Variants in GALNT17 observed in about 807,000 individuals in gnomAD.
GALNT17 encodes UDP-GalNAc:polypeptide N-acetylgalactosaminyltransferase-like 3.
Under a neutral mutation model 63.7 loss-of-function variants are expected in GALNT17, and 29 were observed. That is an observed-to-expected ratio of 0.46 (90% CI 0.34 to 0.62). The LOEUF is 0.62. Among genes scored for constraint, GALNT17 ranks in the 20% least tolerant of loss-of-function variants. The pLI is 0.01. For synonymous variants in GALNT17, 305 were observed against 318.3 expected, an observed-to-expected ratio of 0.96 and a Z score of 0.45; for missense variants, 603 against 799.6, an observed-to-expected ratio of 0.75 and a Z score of 2.97.
chr7:71,649,208 G>T (rs948259424), intron 6 of GALNT17, among the ~76,000 whole-genome samples: 12 of 152,180 alleles, frequency 7.9e-5, no homozygotes, highest in Admixed American at 6.5e-4. Flanking sequence ...TCCTGGCCCA[G>T]ATCTCATGTT....
intron 5 of GALNT17, among the ~76,000 whole-genome samples, chr7:71,501,715 A>G (rs377280016): frequency 2.2e-4 from 33 of 151,856 alleles, no homozygotes; most frequent in East Asian, 1.9e-3. Flanking sequence ...CCTGCCCTCC[A>G]CTCTGGCCAT....
intron 5 of GALNT17, among the ~76,000 whole-genome samples, chr7:71,565,402 G>C (rs1011915544): frequency 6.6e-6 from 1 of 151,978 alleles, no homozygotes; most frequent in African/African-American, 2.4e-5. Flanking sequence ...CCCTCTGTCT[G>C]CTCCCCTCTT....
At chr7:71,630,386 C>T (rs1790438118) in intron 6 of GALNT17, among the ~76,000 whole-genome samples, 1 of 152,172 alleles carries the variant, frequency 6.6e-6, no homozygotes, top group South Asian at 2.1e-4. Flanking sequence ...CTCAGCATTG[C>T]CCTAACACAC....
intron 1 of GALNT17, among the ~76,000 whole-genome samples, chr7:71,192,022 C>T (rs965479475): frequency 1.3e-5 from 2 of 152,304 alleles, no homozygotes; most frequent in African/African-American, 4.8e-5. Context: ...GTGTATCCTT[C>T]AGTCTGTGGC....
intron 1 of GALNT17, among the ~76,000 whole-genome samples, chr7:71,276,063 C>T (rs920622356): frequency 1.9e-4 from 29 of 152,192 alleles, no homozygotes; most frequent in African/African-American, 7.0e-4. Flanking sequence ...TGTCCCTGGT[C>T]TTCCTTGTCC....
At chr7:71,492,264 C>T (rs1207693421) in intron 5 of GALNT17, among the ~76,000 whole-genome samples, 1 of 152,084 alleles carries the variant, frequency 6.6e-6, no homozygotes, top group Non-Finnish European at 1.5e-5. Flanking sequence ...GGAGACAGAG[C>T]AAGACTCCGT....
At chr7:71,364,858 TTTA>T (rs1325401440) in intron 2 of GALNT17, among the ~76,000 whole-genome samples, 1 of 152,216 alleles carries the variant, frequency 6.6e-6, no homozygotes, top group East Asian at 1.9e-4. Context: ...ATTCCGCTTC[TTTA>T]ATCTACTTCC....
intron 5 of GALNT17, among the ~76,000 whole-genome samples, chr7:71,498,073 G>A (rs1000493530): frequency 1.3e-5 from 2 of 152,198 alleles, no homozygotes; most frequent in Admixed American, 1.3e-4. Flanking sequence ...GTCCGCAGTG[G>A]GGTAGCAGAG....
chr7:71,288,495 A>G (rs1377116390), intron 1 of GALNT17, among the ~76,000 whole-genome samples: 3 of 152,158 alleles, frequency 2.0e-5, no homozygotes, highest in Non-Finnish European at 4.4e-5. Flanking sequence ...TTTCCTGACT[A>G]TAAGCCCTGA....
intron 5 of GALNT17, among the ~76,000 whole-genome samples, chr7:71,521,331 G>T: frequency 6.6e-6 from 1 of 152,056 alleles, no homozygotes. Context: ...ACAGCAGCCA[G>T]GTCTGCCCAA....
At chr7:71,703,516 C>G (rs887886908) in intron 9 of GALNT17, among the ~76,000 whole-genome samples, 2 of 152,188 alleles carry the variant, frequency 1.3e-5, no homozygotes, top group Admixed American at 1.3e-4. Flanking sequence ...CCCCATGATA[C>G]AGTTACCTCC....
intron 5 of GALNT17, among the ~76,000 whole-genome samples, chr7:71,454,363 G>A (rs189209947): frequency 5.3e-5 from 8 of 152,300 alleles, no homozygotes; most frequent in Admixed American, 3.3e-4. Context: ...TGAGGATAAC[G>A]GCTTCTGGCT....
At chr7:71,283,998 G>T (rs1211656774) in intron 1 of GALNT17, 1 of 152,280 alleles carries the variant, frequency 6.6e-6, no homozygotes, top group African/African-American at 2.4e-5. Flanking sequence ...CAATCAGCAG[G>T]ACATGGGCGG....
At chr7:71,698,092 C>G (rs958773858) in intron 9 of GALNT17, among the ~76,000 whole-genome samples, 6 of 138,812 alleles carry the variant, frequency 4.3e-5, no homozygotes, top group Admixed American at 3.9e-4. Flanking sequence ...CACTGCACTC[C>G]AGCCTGCGCG....
intron 5 of GALNT17, among the ~76,000 whole-genome samples, chr7:71,483,835 T>C (rs558316818): frequency 3.5e-4 from 53 of 152,344 alleles, no homozygotes; most frequent in African/African-American, 1.1e-3. Context: ...ATTTTCTTTC[T>C]TTATAGCTTT....
rs1434776332 is a variant in GALNT17, at chr7:71,490,913, A to T, written c.962+69808A>T. On this transcript the variant is annotated intron_variant, in intron 5 of 10. Coordinates refer to ENST00000333538, the MANE Select transcript of GALNT17 (RefSeq NM_022479.3). ...TGTCTCTTTAAAAAAAGGAAAAATG[A>T]CTGGGCGTGGTGGCTCATGCCTGTA... Among the ~76,000 whole-genome samples the T allele has an allele frequency of 3.3e-5, 5 of 151,708 alleles. No homozygotes were observed. In the East Asian group the frequency reaches 9.7e-4, roughly 30 times the overall value.
intron 1 of GALNT17, among the ~76,000 whole-genome samples, chr7:71,187,794 A>C (rs1365141866): frequency 6.6e-6 from 1 of 152,172 alleles, no homozygotes; most frequent in Non-Finnish European, 1.5e-5. Flanking sequence ...TGGTTCCATG[A>C]GTAAATTCCT....
intron 9 of GALNT17, among the ~76,000 whole-genome samples, chr7:71,689,721 A>G (rs951615006): frequency 1.3e-5 from 2 of 152,222 alleles, no homozygotes; most frequent in African/African-American, 4.8e-5. Flanking sequence ...TCTACACTCA[A>G]CAACAGATTT....
At chr7:71,214,965 C>G (rs1789451059) in intron 1 of GALNT17, among the ~76,000 whole-genome samples, 1 of 152,214 alleles carries the variant, frequency 6.6e-6, no homozygotes. Flanking sequence ...TCATTGAATT[C>G]TACTTGATTC....
Sources: allele counts gnomAD v4.1 joint callset (sites outside exome capture counted in the v4.1 genomes callset), GRCh38; gene constraint gnomAD v4.1.1; transcripts MANE v1.5; gene names NCBI Gene and HGNC (gene_info 2026-07-23, HGNC 2026-07-21).